Variants in ST3GAL5 observed in about 807,000 individuals in gnomAD.
ST3GAL5 encodes lactosylceramide alpha-2,3-sialyltransferase.
Under a neutral mutation model 46.1 loss-of-function variants are expected in ST3GAL5, and 25 were observed. That is an observed-to-expected ratio of 0.54 (90% CI 0.40 to 0.76). ST3GAL5 has a LOEUF of 0.76. ST3GAL5 is among the 30% of genes least tolerant of loss of function. The pLI is 0.00. For missense variants in ST3GAL5, 431 were observed against 521.2 expected (o/e 0.83, Z 1.69); for synonymous variants, 182 against 192.7 (o/e 0.94, Z 0.46).
At chr2:85,852,886 A>G (rs903359681) in intron 3 of ST3GAL5, 4 of 1,303,704 alleles carry the variant, frequency 3.1e-6, no homozygotes, top group Non-Finnish European at 4.0e-6. Flanking sequence ...GAAGGCCTGG[A>G]AAGCGGGGAG....
At chr2:85,840,869 A>C (rs1184738889) in intron 6 of ST3GAL5, among the ~76,000 whole-genome samples, 1 of 141,230 alleles carries the variant, frequency 7.1e-6, no homozygotes, top group African/African-American at 2.6e-5. Context: ...ACTTGAACCC[A>C]GGAGGCGGAG....
At chr2:85,847,291 C>T (rs1682909037) in intron 4 of ST3GAL5, 3 of 864,236 alleles carry the variant, frequency 3.5e-6, no homozygotes, top group Non-Finnish European at 4.2e-6. Flanking sequence ...CCTCTTCTTG[C>T]CCCTGTCTGG....
At chr2:85,888,997 C>A (rs1217719360), upstream of ST3GAL5, 6 of 992,194 alleles carry the variant, frequency 6.0e-6, no homozygotes, top group African/African-American at 6.9e-5. Context: ...AGCTGGGGGC[C>A]GCCGCTCCCC....
At chr2:85,852,182 C>T (rs577199621) in intron 3 of ST3GAL5, among the ~76,000 whole-genome samples, 8 of 152,210 alleles carry the variant, frequency 5.3e-5, no homozygotes, top group Non-Finnish European at 1.2e-4. Context: ...TTTAAAAATC[C>T]GGAACAGGGC....
chr2:85,872,685 C>G (rs1217352259), intron 1 of ST3GAL5, among the ~76,000 whole-genome samples: 1 of 152,184 alleles, frequency 6.6e-6, no homozygotes, highest in East Asian at 1.9e-4. Flanking sequence ...AAGCCACCCA[C>G]TGTGCAGAAC....
chr2:85,887,132 A>G (rs1322623973), intron 1 of ST3GAL5, among the ~76,000 whole-genome samples: 2 of 152,186 alleles, frequency 1.3e-5, no homozygotes, highest in African/African-American at 4.8e-5. Context: ...CCCGAGGCCA[A>G]CCTGCTAGAT....
At chr2:85,882,889 T>G (rs997800832) in intron 1 of ST3GAL5, among the ~76,000 whole-genome samples, 1 of 151,836 alleles carries the variant, frequency 6.6e-6, no homozygotes, top group South Asian at 2.1e-4. Flanking sequence ...ATGGTGCCTG[T>G]AGCCCCTTTG....
chr2:85,871,210 T>A (rs1055237321), intron 1 of ST3GAL5, among the ~76,000 whole-genome samples: 7 of 152,114 alleles, frequency 4.6e-5, no homozygotes, highest in Non-Finnish European at 7.4e-5. Context: ...CTGATTTTTT[T>A]AATTTTTAGT....
intron 3 of ST3GAL5, chr2:85,853,011 C>A: frequency 7.7e-7 from 1 of 1,303,430 alleles, no homozygotes; most frequent in Non-Finnish European, 1.0e-6. Flanking sequence ...CTGCAGAGTC[C>A]GAGAGAAGAC....
intron 3 of ST3GAL5, chr2:85,850,969 T>A (rs996600744): frequency 6.6e-6 from 1 of 150,590 alleles, no homozygotes; most frequent in African/African-American, 2.4e-5. Context: ...CAGGCTGGAG[T>A]GCAGTGGCGC....
intron 3 of ST3GAL5, chr2:85,856,049 A>C (rs541401500): frequency 2.8e-4 from 43 of 152,382 alleles, no homozygotes; most frequent in African/African-American, 7.5e-4. Context: ...TTCCTCAAAA[A>C]GCAAAACATA....
chr2:85,883,409 C>G (rs918660500), intron 1 of ST3GAL5, among the ~76,000 whole-genome samples: 12 of 152,232 alleles, frequency 7.9e-5, no homozygotes, highest in Non-Finnish European at 1.6e-4. Context: ...TCCCCAGCCA[C>G]GTGGAACTGT....
intron 1 of ST3GAL5, among the ~76,000 whole-genome samples, chr2:85,880,706 C>T (rs937460571): frequency 1.3e-5 from 2 of 152,074 alleles, no homozygotes; most frequent in Non-Finnish European, 2.9e-5. Context: ...CACCTGTAGT[C>T]CCAGCTACTC....
intron 1 of ST3GAL5, among the ~76,000 whole-genome samples, chr2:85,869,059 G>GT (rs1433359125): frequency 6.6e-6 from 1 of 152,300 alleles, no homozygotes; most frequent in South Asian, 2.1e-4. Flanking sequence ...TTTTGTCTTT[G>GT]TTTTTTTAGA....
intron 3 of ST3GAL5, among the ~76,000 whole-genome samples, chr2:85,857,633 C>T (rs184413799): frequency 3.1e-4 from 47 of 151,540 alleles, no homozygotes; most frequent in Non-Finnish European, 1.3e-4. Context: ...AGAGTTGGGA[C>T]AATGGAGGTG....
At chr2:85,850,683 T>C (rs1683387653) in intron 3 of ST3GAL5, 1 of 152,224 alleles carries the variant, frequency 6.6e-6, no homozygotes, top group Admixed American at 6.5e-5. Context: ...CCTAAGTATC[T>C]GGTTTTACAA....
At chr2:85,867,893 A>G in intron 1 of ST3GAL5, 1 of 556,850 alleles carries the variant, frequency 1.8e-6, no homozygotes, top group East Asian at 3.6e-5. Context: ...AACATGGCAG[A>G]TTAGCATCCA....
Position 85,863,346 on chromosome 2 carries a change from C to G in ST3GAL5, c.206+16G>C. 1 of 1,613,874 alleles carries G rather than the reference C, an allele frequency of 6.2e-7. No individual in the cohort carries two copies. Among genetic ancestry groups the G allele is most frequent in the Middle Eastern group, 1.7e-4 (1 of 5,834 alleles). ...CCCAAAGCAGGGGGATCTACAGTCCCAGGGGCGGTACTTACTTGAGGATGT... is the reference window on the plus strand; with the variant it reads ...CCCAAAGCAGGGGGATCTACAGTCCGAGGGGCGGTACTTACTTGAGGATGT... On this transcript the variant is annotated intron_variant, in intron 2 of 6. Coordinates refer to ENST00000638572, the MANE Select transcript of ST3GAL5 (RefSeq NM_003896.4).
chr2:85,864,264 T>G (rs528150092), intron 1 of ST3GAL5, among the ~76,000 whole-genome samples: 21 of 152,292 alleles, frequency 1.4e-4, no homozygotes, highest in Non-Finnish European at 2.6e-4. Flanking sequence ...CAGATTATGT[T>G]TTACAACCGC....
Sources: allele counts gnomAD v4.1 joint callset (sites outside exome capture counted in the v4.1 genomes callset), GRCh38; gene constraint gnomAD v4.1.1; transcripts MANE v1.5; gene names NCBI Gene and HGNC (gene_info 2026-07-23, HGNC 2026-07-21).